The following CAPN14 variants were observed in gnomAD, a reference collection of about 807,000 sequenced individuals.
The protein encoded by CAPN14 is calpain-14.
A neutral mutation model predicts 101.3 loss-of-function variants in CAPN14; 94 were observed. The ratio of observed to expected loss-of-function variants is 0.93; its 90% CI spans 0.79 to 1.10. The LOEUF is 1.10. CAPN14 is among the 50% of genes least tolerant of loss of function. The pLI is 0.00. For synonymous variants in CAPN14, 338 were observed against 317.9 expected, an observed-to-expected ratio of 1.06 and a Z score of -0.67; for missense variants, 837 against 828.4, an observed-to-expected ratio of 1.01 and a Z score of -0.13.
intron 11 of CAPN14, 58 bp from the exon 12 acceptor site, chr2:31,191,465 T>C (rs1470032479): frequency 6.7e-7 from 1 of 1,490,946 alleles, no homozygotes; most frequent in Non-Finnish European, 9.0e-7. Flanking sequence ...GAGATCTCAT[T>C]AAGCAGGGAA....
intron 1 of CAPN14, among the ~76,000 whole-genome samples, chr2:31,210,027 G>T (rs1682306616): frequency 6.6e-6 from 1 of 152,236 alleles, no homozygotes; most frequent in South Asian, 2.1e-4. Context: ...AGCCACAGGT[G>T]AGAATCTGTG....
intron 17 of CAPN14, among the ~76,000 whole-genome samples, chr2:31,180,378 G>T (rs561265466): frequency 6.6e-6 from 1 of 152,096 alleles, no homozygotes; most frequent in Non-Finnish European, 1.5e-5. Context: ...CAATAGTATG[G>T]ATGATCAAAC....
intron 11 of CAPN14, 46 bp downstream of exon 11, chr2:31,191,889 C>T (rs1290602886): frequency 6.8e-6 from 10 of 1,474,398 alleles, no homozygotes; most frequent in African/African-American, 1.4e-5. Flanking sequence ...CTGTTGGTGA[C>T]CCCCACGCTT....
chr2:31,184,173 G>A (rs556011753), intron 16 of CAPN14, among the ~76,000 whole-genome samples: 70 of 152,256 alleles, frequency 4.6e-4, no homozygotes, highest in South Asian at 1.2e-3. Flanking sequence ...GTGAGCCACC[G>A]CGCCCGGCCC....
At chr2:31,200,294 C>A (rs532572737) in intron 6 of CAPN14, among the ~76,000 whole-genome samples, 157 bp downstream of exon 6, 1 of 152,146 alleles carries the variant, frequency 6.6e-6, no homozygotes, top group Admixed American at 6.5e-5. Flanking sequence ...TGTGAGCCAC[C>A]GCACCTGGCC....
In CAPN14 at chr2:31,205,348, G is replaced by C; in HGVS notation, c.100C>G (p.Leu34Val). Residue 34 changes from leucine to valine, a missense_variant, in exon 2 of 22, where the codon CTG becomes GTG. By Grantham distance (32) the Leu-to-Val change is conservative. Transcript: ENST00000403897. ...CAGCCATTCCTCAGGCACTCTGCCA[G>C]CAGGGCCTCAAAGTCCTGTTGGGGT... ...QQPQQDFEAL[L>V]AECLRNGCLF... The C allele has an allele frequency of 6.4e-7, 1 of 1,551,430 alleles. No individual in the cohort carries two copies. The highest frequency in any genetic ancestry group is 1.2e-5 in the South Asian group (1 of 84,050).
intron 16 of CAPN14, among the ~76,000 whole-genome samples, chr2:31,182,907 G>A (rs1367205003): frequency 1.3e-5 from 2 of 151,538 alleles, no homozygotes; most frequent in Non-Finnish European, 3.0e-5. Flanking sequence ...AACAAAGCTG[G>A]AGGCATCACA....
chr2:31,209,129 G>A (rs1192863407), intron 1 of CAPN14, among the ~76,000 whole-genome samples: 9 of 145,972 alleles, frequency 6.2e-5, no homozygotes, highest in East Asian at 2.0e-4. Context: ...GCCACCATGC[G>A]CAGCTAACTT....
In CAPN14 at chr2:31,217,506, G is replaced by A. The variant is rs540747927; in HGVS notation, c.-103C>T. 1 of 152,146 alleles carries A rather than the reference G, an allele frequency of 6.6e-6. No homozygotes were observed. Among genetic ancestry groups the A allele is most frequent in the Non-Finnish European group, 1.5e-5 (1 of 68,030 alleles). 9.4% of individuals were successfully genotyped at this position (152,146 alleles called of 1,614,324 possible). On this transcript the variant is annotated 5_prime_UTR_variant, in exon 1 of 22. Coordinates refer to ENST00000403897, the MANE Select transcript of CAPN14 (RefSeq NM_001145122.2). ...AGCGCCTGGGCAAGCTCTAATCCCG[G>A]TGCAGTCAGAAGCATGCAGCCTGAA... is the stretch of plus-strand genomic sequence containing the variant.
At chr2:31,187,922 G>T in intron 14 of CAPN14, 108 bp from the exon 15 acceptor site, 1 of 870,612 alleles carries the variant, frequency 1.1e-6, no homozygotes, top group South Asian at 1.7e-5. Context: ...CCATGAGCTT[G>T]ACTTTGCATC....
Position 31,193,162 on chromosome 2 carries a change from G to T in CAPN14, c.1083C>A (p.Ser361Arg). The change falls in exon 10 of 22, where the codon AGC becomes AGA. Residue 361 changes from serine to arginine, a missense_variant. Transcript: ENST00000403897. Reference protein sequence around the residue: ...TMREGRWEKRSTAGGQRQLLQ... With the variant: ...TMREGRWEKRRTAGGQRQLLQ... ...GCAACTGCCTCTGGCCACCAGCTGT[G>T]CTCCGCTTCTCCCATCTCCCCTCCC... 6.4e-7 allele frequency: 1 copy of T among 1,551,096 alleles called. No individual in the cohort carries two copies. The highest frequency in any genetic ancestry group is 2.4e-5 in the East Asian group (1 of 40,908).
chr2:31,209,258 T>C (rs570409692), intron 1 of CAPN14, among the ~76,000 whole-genome samples: 1 of 151,592 alleles, frequency 6.6e-6, no homozygotes, highest in Non-Finnish European at 1.5e-5. Flanking sequence ...ATTACAGGCA[T>C]GAACCACCGT....
At chr2:31,174,732 A>T (rs1286844701) in intron 21 of CAPN14, 25 bp from the exon 22 acceptor site, 2 of 1,551,496 alleles carry the variant, frequency 1.3e-6, no homozygotes, top group South Asian at 2.4e-5. Context: ...AAAGCAAATG[A>T]TGGTCAGTTC....
intron 1 of CAPN14, among the ~76,000 whole-genome samples, chr2:31,232,133 C>G (rs1683214242): frequency 6.6e-6 from 1 of 152,200 alleles, no homozygotes; most frequent in African/African-American, 2.4e-5. Flanking sequence ...GAAGCTCCTG[C>G]AGGCACTTCA....
At chr2:31,181,764 C>A (rs1680649919) in intron 16 of CAPN14, among the ~76,000 whole-genome samples, 1 of 141,260 alleles carries the variant, frequency 7.1e-6, no homozygotes. Context: ...TGAGTGAGAA[C>A]ATGTGGTGTT....
At chr2:31,220,155 G>T (rs912469303), upstream of CAPN14, among the ~76,000 whole-genome samples, 5 of 152,118 alleles carry the variant, frequency 3.3e-5, no homozygotes, top group African/African-American at 1.2e-4. Flanking sequence ...TTTTCCAAAT[G>T]AATCCCTGAT....
At chr2:31,206,212 G>T (rs373135400) in intron 1 of CAPN14, among the ~76,000 whole-genome samples, 1 of 151,696 alleles carries the variant, frequency 6.6e-6, no homozygotes. Context: ...CAGCTCCCAC[G>T]TGGAGGCCTC....
At chr2:31,229,173 G>A (rs528835308) in intron 1 of CAPN14, among the ~76,000 whole-genome samples, 16 of 152,152 alleles carry the variant, frequency 1.1e-4, no homozygotes, top group Non-Finnish European at 2.1e-4. Flanking sequence ...TCAGGATAGG[G>A]GTCCCCTCTA....
In CAPN14 at chr2:31,206,022, T is replaced by A. The variant is rs1489315310; in HGVS notation, c.-52-523A>T. ...AAAACCTCCTCCTACATTATCTTTATTTTTTTTATTTATTTATTTTTTTTT... is the reference window on the plus strand; with the variant it reads ...AAAACCTCCTCCTACATTATCTTTAATTTTTTTATTTATTTATTTTTTTTT... On this transcript the variant is annotated intron_variant, in intron 1 of 21. Transcript: ENST00000403897. 6.4e-5 allele frequency among the ~76,000 whole-genome samples: 8 copies of A among 124,310 alleles called. 1 individual carries two copies. In the South Asian group the frequency reaches 1.8e-3, roughly 27 times the overall value. The allele number at this position is 124,310 out of a possible 152,430, so 81.6% of individuals were successfully genotyped here.
Sources: allele counts gnomAD v4.1 joint callset (sites outside exome capture counted in the v4.1 genomes callset), GRCh38; gene constraint gnomAD v4.1.1; transcripts MANE v1.5; gene names NCBI Gene and HGNC (gene_info 2026-07-23, HGNC 2026-07-21).